Variants in RANGAP1 observed in about 807,000 individuals in gnomAD.
The protein encoded by RANGAP1 is ran GTPase-activating protein 1.
RANGAP1 carries 38 observed loss-of-function variants against 63.5 expected under a neutral mutation model. The observed-to-expected ratio is 0.60, with a 90% confidence interval of 0.46 to 0.78. The LOEUF (loss-of-function observed/expected upper bound fraction) is 0.78. Among genes scored for constraint, RANGAP1 ranks in the 30% least tolerant of loss-of-function variants. The pLI is 0.00. For missense variants in RANGAP1, 630 were observed against 740.3 expected (o/e 0.85, Z 1.73); for synonymous variants, 329 against 310.5 (o/e 1.06, Z -0.63).
At position 41,251,070 on chromosome 22, in the gene RANGAP1, G is replaced by T; in HGVS notation, c.1420C>A (p.Leu474Ile). ...TCCTTGAACACAGATGACACCTTTA[G>T]GAAGGCAGAGACCACCTTCTCGGGG... The part of the protein sequence containing the change: ...SDPEKVVSAF[L>I]KVSSVFKDEA... The change falls in exon 13 of 16, where the codon CTA becomes ATA. Residue 474 changes from leucine to isoleucine, a missense_variant. Leu to Ile is a conservative substitution (Grantham distance 5, BLOSUM62 2). Around this residue, in one of 3 missense-constraint regions of RANGAP1, gnomAD observed 428 missense variants for 465.5 expected, o/e 0.92. Coordinates refer to ENST00000356244, the MANE Select transcript of RANGAP1 (RefSeq NM_002883.4). The T allele has an allele frequency of 1.2e-6, 2 of 1,614,112 alleles. No homozygotes were observed. The highest frequency in any genetic ancestry group is 1.7e-6 in the Non-Finnish European group (2 of 1,180,016).
At chr22:41,278,854 AG>A (rs1345969715) in intron 2 of RANGAP1, among the ~76,000 whole-genome samples, 1 of 151,974 alleles carries the variant, frequency 6.6e-6, no homozygotes, top group African/African-American at 2.4e-5. Context: ...TACAAAAATA[AG>A]GGGCCGGGCA....
chr22:41,269,224 C>T (rs1003109375), intron 3 of RANGAP1, among the ~76,000 whole-genome samples: 2 of 152,072 alleles, frequency 1.3e-5, no homozygotes, highest in Admixed American at 6.6e-5. Flanking sequence ...CTATTACAGG[C>T]ATGTGACACC....
intron 10 of RANGAP1, among the ~76,000 whole-genome samples, chr22:41,255,373 C>T (rs1005372396): frequency 6.6e-6 from 1 of 152,132 alleles, no homozygotes; most frequent in Non-Finnish European, 1.5e-5. Flanking sequence ...ACAGGGAGCC[C>T]GATGCTGATG....
chr22:41,298,530 G>T, the RANGAP1 span, among the ~76,000 whole-genome samples: 1 of 151,622 alleles, frequency 6.6e-6, no homozygotes, highest in Non-Finnish European at 1.5e-5. Context: ...GGTCAGGCTG[G>T]TCTCAAGCTC....
chr22:41,295,436 A>C, the RANGAP1 span, among the ~76,000 whole-genome samples: 1 of 152,082 alleles, frequency 6.6e-6, no homozygotes, highest in South Asian at 2.1e-4. Context: ...TGCTGTATCC[A>C]CTCAGGGCTG....
At chr22:41,284,335 AGGTG>A (rs1423643700) in intron 1 of RANGAP1, among the ~76,000 whole-genome samples, 3 of 152,144 alleles carry the variant, frequency 2.0e-5, no homozygotes, top group African/African-American at 4.8e-5. Flanking sequence ...TGGGAGGCTG[AGGTG>A]GGTGGATTAC....
chr22:41,268,688 CCT>C (rs1341201508), intron 3 of RANGAP1, among the ~76,000 whole-genome samples: 1 of 152,148 alleles, frequency 6.6e-6, no homozygotes, highest in East Asian at 1.9e-4. Flanking sequence ...CAGGAAAATC[CCT>C]GACTTGTACA....
intron 1 of RANGAP1, chr22:41,281,603 C>A: frequency 1.0e-6 from 1 of 987,288 alleles, no homozygotes; most frequent in Non-Finnish European, 1.2e-6. Flanking sequence ...GGGGTCAGCC[C>A]CACTGCACGT....
At chr22:41,251,450 AC>A (rs775528775) in intron 12 of RANGAP1, among the ~76,000 whole-genome samples, 7 of 151,904 alleles carry the variant, frequency 4.6e-5, no homozygotes, top group Non-Finnish European at 1.0e-4. Context: ...ACATAGCAAG[AC>A]CCCATGTCAA....
intron 10 of RANGAP1, among the ~76,000 whole-genome samples, chr22:41,255,599 G>T (rs1270128464): frequency 6.8e-6 from 1 of 147,420 alleles, no homozygotes; most frequent in Non-Finnish European, 1.5e-5. Context: ...CCCTTCAGAG[G>T]CCTCCCCAAC....
chr22:41,295,441 G>A, the RANGAP1 span, among the ~76,000 whole-genome samples: 1 of 152,170 alleles, frequency 6.6e-6, no homozygotes, highest in East Asian at 1.9e-4. Flanking sequence ...TATCCACTCA[G>A]GGCTGAATGG....
chr22:41,281,055 C>G lies in RANGAP1; in HGVS notation c.-11G>C, dbSNP rs1180248554. 6.3e-7 allele frequency: 1 copy of G among 1,583,340 alleles called. No individual in the cohort carries two copies. The highest frequency in any genetic ancestry group is 8.6e-7 in the Non-Finnish European group (1 of 1,167,544). The stretch of plus-strand genomic sequence containing the variant: ...GTCTTCCGAGGCCATGTTGACTAGG[C>G]TGGTGGGCTCCCCTGGAGATCTGCA... On this transcript the variant is annotated 5_prime_UTR_variant, in exon 2 of 16. Transcript: ENST00000356244.
At chr22:41,256,870 C>T (rs1278999297) in intron 7 of RANGAP1, 46 bp from the exon 8 acceptor site, 2 of 1,528,878 alleles carry the variant, frequency 1.3e-6, no homozygotes, top group Non-Finnish European at 1.8e-6. Flanking sequence ...CAGACCACAC[C>T]CCAGCCCTCA....
intron 12 of RANGAP1, among the ~76,000 whole-genome samples, chr22:41,252,422 G>T (rs911645836): frequency 6.6e-6 from 1 of 152,186 alleles, no homozygotes; most frequent in Non-Finnish European, 1.5e-5. Flanking sequence ...GAAAATGGAT[G>T]CCCCGAAGAT....
At chr22:41,284,283 C>T (rs763947866) in intron 1 of RANGAP1, among the ~76,000 whole-genome samples, 1 of 151,814 alleles carries the variant, frequency 6.6e-6, no homozygotes, top group Non-Finnish European at 1.5e-5. Flanking sequence ...TAAAAATTAA[C>T]CAGGCCGGGT....
At chr22:41,290,175 A>C (rs1406318675), upstream of RANGAP1, among the ~76,000 whole-genome samples, 1 of 149,980 alleles carries the variant, frequency 6.7e-6, no homozygotes, top group Non-Finnish European at 1.5e-5. Context: ...AGAGAGAGAG[A>C]GAGAAAGAGA....
intron 6 of RANGAP1, among the ~76,000 whole-genome samples, chr22:41,258,402 C>G (rs144464686): frequency 7.2e-5 from 11 of 152,360 alleles, no homozygotes; most frequent in Non-Finnish European, 1.2e-4. Flanking sequence ...TGTTCTCAGT[C>G]TGGTGTCCTC....
intron 10 of RANGAP1, 37 bp downstream of exon 10, chr22:41,255,984 C>T (rs750596192): frequency 6.3e-7 from 1 of 1,583,028 alleles, no homozygotes; most frequent in Non-Finnish European, 8.6e-7. Context: ...AAGGAATGGC[C>T]TGACCCCGAC....
chr22:41,273,201 C>CA (rs2034938348), intron 3 of RANGAP1, among the ~76,000 whole-genome samples: 1 of 152,112 alleles, frequency 6.6e-6, no homozygotes, highest in African/African-American at 2.4e-5. Context: ...CAATGACATG[C>CA]AGAAGAGCCC....
Sources: gnomAD v4.1 joint callset for allele counts (sites outside exome capture counted in the v4.1 genomes callset) on GRCh38, gnomAD v4.1.1 for gene constraint, gnomAD v4.1.1 regional missense constraint, MANE v1.5 for transcripts, NCBI Gene and HGNC (gene_info 2026-07-23, HGNC 2026-07-21) for gene names.